SUMF1: variants seen among roughly 807,000 people sequenced by gnomAD.
SUMF1 encodes sulfatase modifying factor 1.
In SUMF1, 48 loss-of-function variants were observed where a neutral mutation model predicts 47.6. The observed-to-expected ratio is 1.01, with a 90% CI of 0.80 to 1.28. The LOEUF (loss-of-function observed/expected upper bound fraction) is 1.28, where lower values mean the gene tolerates loss of function less well. Ranked by LOEUF, SUMF1 falls within the 50% of genes most tolerant of loss-of-function variation. The pLI is 0.00. For missense variants in SUMF1, 571 were observed against 485.4 expected (o/e 1.18, Z -1.66); for synonymous variants, 230 against 192.1 (o/e 1.20, Z -1.63).
intron 7 of SUMF1, among the ~76,000 whole-genome samples, chr3:4,392,531 C>A (rs1179970838): frequency 6.7e-6 from 1 of 149,590 alleles, no homozygotes; most frequent in Non-Finnish European, 1.5e-5. Flanking sequence ...ACATAATATG[C>A]ATAATTTAAG....
At chr3:4,223,698 A>G (rs1253939176) in intron 8 of SUMF1, among the ~76,000 whole-genome samples, 1 of 152,080 alleles carries the variant, frequency 6.6e-6, no homozygotes, top group Non-Finnish European at 1.5e-5. Flanking sequence ...TTATCCCTAA[A>G]TCACTGTCAA....
At chr3:4,221,426 T>C (rs59879665) in intron 8 of SUMF1, among the ~76,000 whole-genome samples, 1 of 146,444 alleles carries the variant, frequency 6.8e-6, no homozygotes, top group Non-Finnish European at 1.5e-5. Flanking sequence ...TGTGTGTGTG[T>C]GTGTGTGTGT....
chr3:4,101,375 A>G (rs1273962511), intron 8 of SUMF1, among the ~76,000 whole-genome samples: 3 of 152,128 alleles, frequency 2.0e-5, no homozygotes, highest in Admixed American at 6.5e-5. Context: ...CCTGCATTAT[A>G]TTAAGTAAAA....
intron 8 of SUMF1, among the ~76,000 whole-genome samples, chr3:4,193,218 T>C (rs905689768): frequency 6.6e-6 from 1 of 152,142 alleles, no homozygotes; most frequent in East Asian, 1.9e-4. Flanking sequence ...TGAAATTTTA[T>C]TTTATTTTTA....
At chr3:4,160,207 A>G (rs1056855868) in intron 8 of SUMF1, among the ~76,000 whole-genome samples, 3 of 151,934 alleles carry the variant, frequency 2.0e-5, no homozygotes, top group Admixed American at 2.0e-4. Context: ...GCCCTTTTGA[A>G]TCTATTTTCT....
At chr3:4,239,092 T>C (rs1372142377) in intron 8 of SUMF1, among the ~76,000 whole-genome samples, 1 of 152,140 alleles carries the variant, frequency 6.6e-6, no homozygotes, top group East Asian at 1.9e-4. Context: ...TGTAGATGTG[T>C]CGCATTATTT....
intron 9 of SUMF1, among the ~76,000 whole-genome samples, chr3:4,042,484 A>C (rs1694926025): frequency 6.6e-6 from 1 of 152,200 alleles, no homozygotes. Flanking sequence ...ACAAACTTAC[A>C]CAAAAGAATA....
intron 8 of SUMF1, among the ~76,000 whole-genome samples, chr3:4,371,777 C>T (rs1024009586): frequency 1.3e-5 from 2 of 152,186 alleles, no homozygotes; most frequent in African/African-American, 4.8e-5. Context: ...TCATTAGTAT[C>T]TGCACTGTAT....
intron 8 of SUMF1, among the ~76,000 whole-genome samples, chr3:4,274,667 C>G (rs1697376529): frequency 6.6e-6 from 1 of 152,106 alleles, no homozygotes; most frequent in Non-Finnish European, 1.5e-5. Context: ...AACTGAATAT[C>G]CCACTGTAAA....
chr3:4,220,206 CCA>C (rs1267033697), intron 8 of SUMF1, among the ~76,000 whole-genome samples: 1 of 152,108 alleles, frequency 6.6e-6, no homozygotes, highest in African/African-American at 2.4e-5. Flanking sequence ...TTCATCAGGG[CCA>C]CAGTTCAGCT....
intron 3 of SUMF1, among the ~76,000 whole-genome samples, chr3:4,431,512 CT>C (rs1702231721): frequency 6.6e-6 from 1 of 152,252 alleles, no homozygotes; most frequent in African/African-American, 2.4e-5. Flanking sequence ...CCCATGTCCC[CT>C]CTCCACTGAG....
At chr3:4,437,601 A>T (rs1702442637) in intron 3 of SUMF1, among the ~76,000 whole-genome samples, 1 of 152,334 alleles carries the variant, frequency 6.6e-6, no homozygotes, top group East Asian at 1.9e-4. Context: ...GCAGCTATAT[A>T]TTATTTACAA....
chr3:4,413,124 C>G (rs1021357804), intron 6 of SUMF1, among the ~76,000 whole-genome samples: 1 of 152,040 alleles, frequency 6.6e-6, no homozygotes, highest in Non-Finnish European at 1.5e-5. Flanking sequence ...CTCAGCTCAG[C>G]CTCCCGAGTA....
At chr3:4,365,043 T>A (rs1699903601) in intron 8 of SUMF1, among the ~76,000 whole-genome samples, 1 of 152,044 alleles carries the variant, frequency 6.6e-6, no homozygotes, top group African/African-American at 2.4e-5. Context: ...AGTTTCTTAA[T>A]CCTGAGTTCT....
chr3:4,432,688 AT>A (rs1367937654), intron 3 of SUMF1, among the ~76,000 whole-genome samples: 2 of 152,164 alleles, frequency 1.3e-5, no homozygotes, highest in South Asian at 4.1e-4. Flanking sequence ...TTTTCTATCC[AT>A]TATTCTGTTT....
chr3:4,148,047 C>T (rs1401370002), intron 8 of SUMF1, among the ~76,000 whole-genome samples: 1 of 152,084 alleles, frequency 6.6e-6, no homozygotes, highest in Admixed American at 6.5e-5. Context: ...AAAAATGAAG[C>T]ATTTTTAACT....
chr3:4,107,112 C>T (rs17039917), intron 8 of SUMF1, among the ~76,000 whole-genome samples: 7,583 of 152,054 alleles, frequency 0.05, 515 homozygotes, highest in East Asian at 0.16. Context: ...CATGGAGGAG[C>T]TTCACGGACA....
At chr3:4,397,658 G>T (rs1701080501) in intron 7 of SUMF1, among the ~76,000 whole-genome samples, 1 of 152,094 alleles carries the variant, frequency 6.6e-6, no homozygotes, top group African/African-American at 2.4e-5. Context: ...TGTATGTTCT[G>T]CTGCTTGATT....
intron 8 of SUMF1, among the ~76,000 whole-genome samples, chr3:4,135,738 C>A (rs1693910348): frequency 6.6e-6 from 1 of 152,152 alleles, no homozygotes; most frequent in Non-Finnish European, 1.5e-5. Context: ...ATCATCTCAG[C>A]CCAAAATCTC....
Sources: gnomAD v4.1 joint callset for allele counts (sites outside exome capture counted in the v4.1 genomes callset) on GRCh38, gnomAD v4.1.1 for gene constraint, MANE v1.5 for transcripts, NCBI Gene and HGNC (gene_info 2026-07-23, HGNC 2026-07-21) for gene names.